B3GLCT: variants seen among roughly 807,000 people sequenced by gnomAD.
The protein encoded by B3GLCT is beta-1,3-glucosyltransferase.
In B3GLCT, 65 loss-of-function variants were observed where a neutral mutation model predicts 63.4. The ratio of observed to expected loss-of-function variants is 1.03; its 90% CI spans 0.84 to 1.26. B3GLCT has a LOEUF of 1.26. Among genes scored for constraint, B3GLCT ranks in the 50% most tolerant of loss-of-function variants. The probability of loss-of-function intolerance (pLI) is 0.00; values close to 1 mark genes in which losing one functional copy is unlikely to be tolerated. For synonymous variants in B3GLCT, 233 were observed against 219.2 expected (o/e 1.06, Z -0.55); for missense variants, 577 against 604.8 (o/e 0.95, Z 0.48).
In B3GLCT at chr13:31,286,732, A is replaced by G. The variant is rs915169246; in HGVS notation, c.977A>G (p.Lys326Arg). 2 of 1,611,616 alleles carry G rather than the reference A, an allele frequency of 1.2e-6. No homozygotes were observed. Among genetic ancestry groups the G allele is most frequent in the Non-Finnish European group, 1.7e-6 (2 of 1,177,876 alleles). Reference protein sequence around the residue: ...IPNTDRGHCGKTFAILERFLN... With the variant: ...IPNTDRGHCGRTFAILERFLN... ...TTGCCTTTTCTAGGTCATTGTGGAA[A>G]GACATTTGCCATTTTGGAAAGATTT... The change falls in exon 12 of 15, where the codon AAG becomes AGG. Residue 326 changes from lysine to arginine, a missense_variant. Coordinates refer to ENST00000343307, the MANE Select transcript of B3GLCT (RefSeq NM_194318.4).
At chr13:31,250,781 G>A (rs918455367) in intron 6 of B3GLCT, among the ~76,000 whole-genome samples, 10 of 152,198 alleles carry the variant, frequency 6.6e-5, no homozygotes, top group African/African-American at 2.2e-4. Flanking sequence ...AGTTGTGGGC[G>A]CCACTTCAGC....
At chr13:31,261,115 G>A in intron 7 of B3GLCT, 33 bp downstream of exon 7, 2 of 1,589,004 alleles carry the variant, frequency 1.3e-6, no homozygotes, top group Admixed American at 1.7e-5. Context: ...TCGGGGGGCG[G>A]GAGGGGTGTG....
rs1165581056 is a variant in B3GLCT at position 31,323,924 on chromosome 13, A to G, written c.1329+29A>G. 3.1e-6 allele frequency: 5 copies of G among 1,612,994 alleles called. No homozygotes were observed. In the South Asian group the frequency reaches 5.5e-5, roughly 18 times the overall value. ...AGGAAATGGTTTTTATTCTTCCCTC[A>G]TGGCAGGTGAGGGACAGATTCTTCT... On this transcript the variant is annotated intron_variant, in intron 14 of 14. Transcript: ENST00000343307.
chr13:31,305,405 G>A (rs1282336152), intron 12 of B3GLCT, among the ~76,000 whole-genome samples: 26 of 84,540 alleles, frequency 3.1e-4, no homozygotes, highest in African/African-American at 9.8e-4. Context: ...TTTTTTGAAA[G>A]GATCAACAAA....
At chr13:31,275,386 C>T (rs1201945790) in intron 9 of B3GLCT, among the ~76,000 whole-genome samples, 2 of 152,184 alleles carry the variant, frequency 1.3e-5, no homozygotes, top group African/African-American at 2.4e-5. Context: ...AGGGACTGCC[C>T]ACCATAGCGC....
At chr13:31,246,457 C>T (rs1435458208) in intron 4 of B3GLCT, among the ~76,000 whole-genome samples, 1 of 152,042 alleles carries the variant, frequency 6.6e-6, no homozygotes, top group South Asian at 2.1e-4. Context: ...CTGTTATTGC[C>T]TGAGTAATTA....
chr13:31,278,976 T>C (rs1445097645), intron 10 of B3GLCT, among the ~76,000 whole-genome samples: 1 of 152,214 alleles, frequency 6.6e-6, no homozygotes, highest in East Asian at 1.9e-4. Flanking sequence ...ACTTGGGTTT[T>C]CTGGCTCCTA....
rs1239600109 is a variant in B3GLCT at position 31,331,691 on chromosome 13, T to G, written c.*2023T>G. ...CCTTTTAAGAGAAAACCATCAGAAATTGATAATGTTTATATAAAGTTTATA... is the reference window on the plus strand; with the variant it reads ...CCTTTTAAGAGAAAACCATCAGAAAGTGATAATGTTTATATAAAGTTTATA... On this transcript the variant is annotated 3_prime_UTR_variant, in exon 15 of 15. Transcript: ENST00000343307. 1 of 152,208 alleles carries G rather than the reference T, an allele frequency of 6.6e-6. No homozygotes were observed. The allele number at this position is 152,208 out of a possible 1,614,324, so 9.4% of individuals were successfully genotyped here.
intron 12 of B3GLCT, chr13:31,311,794 C>G (rs957869172): frequency 6.6e-6 from 1 of 152,148 alleles, no homozygotes; most frequent in Admixed American, 6.5e-5. Flanking sequence ...CCCAAGGAAT[C>G]GATTCTCAGT....
intron 13 of B3GLCT, among the ~76,000 whole-genome samples, chr13:31,320,378 C>T (rs4943306): frequency 0.71 from 107,395 of 151,972 alleles, 38,842 homozygotes; most frequent in Middle Eastern, 0.8. Context: ...GCTTTGGGCC[C>T]GAAAGCCCAA....
chr13:31,200,090 G>A lies in B3GLCT; in HGVS notation c.6G>A (p.Arg2=), dbSNP rs1401500219. 2 of 1,373,194 alleles carry A rather than the reference G, an allele frequency of 1.5e-6. No homozygotes were observed. The highest frequency in any genetic ancestry group is 1.9e-6 in the Non-Finnish European group (2 of 1,053,276). The allele number at this position is 1,373,194 out of a possible 1,614,324, so 85.1% of individuals were successfully genotyped here. The change falls in exon 1 of 15, where the codon CGG becomes CGA. Residue 2 remains arginine (R), a synonymous_variant. Coordinates refer to ENST00000343307, the MANE Select transcript of B3GLCT (RefSeq NM_194318.4). M[R]PPACWWLLAP... The stretch of plus-strand genomic sequence containing the variant: ...GCTCAGCCTCCGCCGCCAGGATGCG[G>A]CCGCCCGCCTGCTGGTGGCTGCTCG...
chr13:31,239,924 A>G (rs1286466302), intron 4 of B3GLCT, among the ~76,000 whole-genome samples: 2 of 152,188 alleles, frequency 1.3e-5, no homozygotes, highest in East Asian at 1.9e-4. Context: ...TGAAGACACT[A>G]AAGTAGGAAC....
intron 14 of B3GLCT, among the ~76,000 whole-genome samples, chr13:31,328,692 C>CAAAAAAAAA (rs34729471): frequency 2.2e-5 from 1 of 45,440 alleles, no homozygotes; most frequent in African/African-American, 9.7e-5. Flanking sequence ...AACTCCATCT[C>CAAAAAAAAA]AAAAAAAAAA....
At chr13:31,250,874 C>T (rs1871394943) in intron 6 of B3GLCT, among the ~76,000 whole-genome samples, 1 of 152,200 alleles carries the variant, frequency 6.6e-6, no homozygotes, top group Non-Finnish European at 1.5e-5. Flanking sequence ...AAGGGACAGC[C>T]TCCCTCCTGA....
chr13:31,331,767 G>A lies in B3GLCT; in HGVS notation c.*2099G>A, dbSNP rs1004135050. 1 of 152,128 alleles carries A rather than the reference G, an allele frequency of 6.6e-6. No individual in the cohort carries two copies. The highest frequency in any genetic ancestry group is 1.5e-5 in the Non-Finnish European group (1 of 68,024). 9.4% of individuals were successfully genotyped at this position (152,128 alleles called of 1,614,324 possible). A position where few individuals can be genotyped will look rare whatever the true frequency, so the allele number is the denominator to read the frequency against. ...AAATCAGAGATGTTATTTTAGAATCGATTCCCATCTAAAGAACTCAATTTT... is the reference window on the plus strand; with the variant it reads ...AAATCAGAGATGTTATTTTAGAATCAATTCCCATCTAAAGAACTCAATTTT... On this transcript the variant is annotated 3_prime_UTR_variant, in exon 15 of 15. Coordinates refer to ENST00000343307, the MANE Select transcript of B3GLCT (RefSeq NM_194318.4).
intron 1 of B3GLCT, among the ~76,000 whole-genome samples, chr13:31,209,471 A>G (rs556749766): frequency 6.6e-6 from 1 of 152,336 alleles, no homozygotes; most frequent in East Asian, 1.9e-4. Context: ...GTCACAGGAA[A>G]GAAAGTGAAG....
chr13:31,312,375 G>A (rs151298873), intron 12 of B3GLCT: 19 of 152,310 alleles, frequency 1.2e-4, no homozygotes, highest in Admixed American at 3.9e-4. Context: ...AGTGTCAAAT[G>A]AAGTAAATCA....
At chr13:31,314,027 G>A (rs1874863302) in intron 12 of B3GLCT, among the ~76,000 whole-genome samples, 2 of 152,152 alleles carry the variant, frequency 1.3e-5, no homozygotes, top group Non-Finnish European at 2.9e-5. Flanking sequence ...GCTTCCATGT[G>A]GTGTTGAGCC....
At chr13:31,214,496 C>T (rs933669387) in intron 1 of B3GLCT, among the ~76,000 whole-genome samples, 32 of 152,182 alleles carry the variant, frequency 2.1e-4, no homozygotes, top group African/African-American at 7.0e-4. Context: ...CTCACTCTCC[C>T]GGCCCCATTG....
Sources: allele counts gnomAD v4.1 joint callset (sites outside exome capture counted in the v4.1 genomes callset), GRCh38; gene constraint gnomAD v4.1.1; transcripts MANE v1.5; gene names NCBI Gene and HGNC (gene_info 2026-07-23, HGNC 2026-07-21).